Variants in DHRS4L2 observed in about 807,000 individuals in gnomAD.
The protein encoded by DHRS4L2 is dehydrogenase/reductase SDR family member 4-like 2.
A neutral mutation model predicts 23.9 loss-of-function variants in DHRS4L2; 22 were observed. The observed-to-expected ratio is 0.92, with a 90% CI of 0.66 to 1.31. The LOEUF (loss-of-function observed/expected upper bound fraction) is 1.31. Among genes scored for constraint, DHRS4L2 ranks in the 40% most tolerant of loss-of-function variants. DHRS4L2 has a pLI of 0.00. For synonymous variants in DHRS4L2, 141 were observed against 123.7 expected (o/e 1.14, Z -0.93); for missense variants, 385 against 303.3 (o/e 1.27, Z -2.00).
chr14:23,988,036 T>C (rs2034186023), upstream of DHRS4L2, among the ~76,000 whole-genome samples: 3 of 151,652 alleles, frequency 2.0e-5, no homozygotes, highest in Admixed American at 6.6e-5. Context: ...CTCAGTAATT[T>C]ACAGATGAAG....
chr14:23,990,124 G>A lies in DHRS4L2; in HGVS notation c.129-58G>A, dbSNP rs922706137. 359 of 1,598,608 alleles carry A rather than the reference G, an allele frequency of 2.2e-4. 12 individuals carry two copies. The Admixed American group carries it at 6.2e-3, about 28-fold the overall frequency. On this transcript the variant is annotated intron_variant, in intron 1 of 7. Coordinates refer to ENST00000335125, the MANE Select transcript of DHRS4L2 (RefSeq NM_198083.4). ...GGGCAGTCTTAACTTCAGAGCCCATGCTGTCGACCTCTTCCCCTGCACAGG... is the reference window on the plus strand; with the variant it reads ...GGGCAGTCTTAACTTCAGAGCCCATACTGTCGACCTCTTCCCCTGCACAGG...
chr14:23,993,836 C>A (rs1334223924), intron 2 of DHRS4L2, among the ~76,000 whole-genome samples: 1 of 151,610 alleles, frequency 6.6e-6, no homozygotes, highest in Admixed American at 6.6e-5. Context: ...CTCTCCTGGG[C>A]AGCTGGTTTA....
chr14:23,970,765 CT>C (rs1566483321), intron 1 of DHRS4L2, among the ~76,000 whole-genome samples: 1 of 152,020 alleles, frequency 6.6e-6, no homozygotes, highest in African/African-American at 2.4e-5. Flanking sequence ...TGGAACAAAG[CT>C]TCCAGAAGAA....
At position 23,982,356 on chromosome 14, in the gene DHRS4L2, G is replaced by C. The variant is rs570098356; in HGVS notation, c.-175-7826G>C. 8.6e-5 allele frequency among the ~76,000 whole-genome samples: 13 copies of C among 151,562 alleles called. 1 individual carries two copies. The highest frequency in any genetic ancestry group is 3.2e-4 in the African/African-American group (13 of 41,220). ...CACATGTTTCTGTGAGCTCAAGGTC[G>C]GGGCTAAAGTTACAGATTAACAGCA... is the stretch of plus-strand genomic sequence containing the variant. On this transcript the variant is annotated intron_variant, in intron 1 of 5. Coordinates refer to the DHRS4L2 transcript ENST00000534993.
chr14:23,998,407 G>C (rs200355064), intron 3 of DHRS4L2, among the ~76,000 whole-genome samples: 19,376 of 127,322 alleles, frequency 0.15, 702 homozygotes, highest in East Asian at 0.4. Context: ...CTCCTCTCTA[G>C]CTATTAAAGC....
intron 1 of DHRS4L2, among the ~76,000 whole-genome samples, chr14:23,976,974 G>T (rs2033978919): frequency 6.6e-6 from 1 of 151,724 alleles, no homozygotes; most frequent in Non-Finnish European, 1.5e-5. Flanking sequence ...GGCTGGGAGA[G>T]GGATAGCATT....
In DHRS4L2 at chr14:23,995,157, G is replaced by A. The variant is rs374464242; in HGVS notation, c.408+24G>A. On this transcript the variant is annotated intron_variant, in intron 3 of 7. Transcript: ENST00000335125. ...AGGTGAGAGGGGATTAAAGAAGCGC[G>A]GAAGGGGGCCTCGGGACACATTCAG... 64 of 1,609,218 alleles carry A rather than the reference G, an allele frequency of 4.0e-5. 1 individual carries two copies. The highest frequency in any genetic ancestry group is 3.6e-4 in the African/African-American group (27 of 74,966).
chr14:23,989,933 G>A (rs2034230743), intron 1 of DHRS4L2, among the ~76,000 whole-genome samples: 1 of 151,738 alleles, frequency 6.6e-6, no homozygotes, highest in Non-Finnish European at 1.5e-5. Flanking sequence ...GTCACCCGTG[G>A]TGGGAACTGT....
intron 1 of DHRS4L2, among the ~76,000 whole-genome samples, chr14:23,981,795 G>A (rs1017779020): frequency 1.3e-5 from 2 of 151,704 alleles, no homozygotes; most frequent in African/African-American, 4.8e-5. Context: ...TTCAAGGGAA[G>A]GTACTATGCC....
chr14:23,989,695 T>C (rs1315871063), intron 1 of DHRS4L2, among the ~76,000 whole-genome samples: 1 of 151,794 alleles, frequency 6.6e-6, no homozygotes, highest in African/African-American at 2.4e-5. Flanking sequence ...AACTGCAGAA[T>C]GTGTAACTCT....
intron 2 of DHRS4L2, among the ~76,000 whole-genome samples, chr14:23,993,728 C>A (rs1314766817): frequency 6.6e-6 from 1 of 151,652 alleles, no homozygotes; most frequent in Non-Finnish European, 1.5e-5. Context: ...ATCTTTCATG[C>A]CTCCAGGTCA....
intron 1 of DHRS4L2, among the ~76,000 whole-genome samples, chr14:23,972,900 G>C (rs921493329): frequency 1.3e-5 from 2 of 151,214 alleles, no homozygotes; most frequent in African/African-American, 4.8e-5. Flanking sequence ...GTGCACGTAA[G>C]CCAGATTTAT....
At chr14:23,972,598 T>A (rs2033883699) in intron 1 of DHRS4L2, among the ~76,000 whole-genome samples, 2 of 151,912 alleles carry the variant, frequency 1.3e-5, no homozygotes, top group Non-Finnish European at 2.9e-5. Flanking sequence ...CCTCCACACC[T>A]GTGGGTATTT....
intron 7 of DHRS4L2, among the ~76,000 whole-genome samples, chr14:24,005,207 CT>C (rs1410202238): frequency 2.0e-5 from 2 of 99,898 alleles, no homozygotes; most frequent in African/African-American, 7.7e-5. Flanking sequence ...ACCATCTGGG[CT>C]TTTGTTTTTC....
At position 23,990,230 on chromosome 14, in the gene DHRS4L2, G is replaced by C. The variant is rs1376074179; in HGVS notation, c.177G>C (p.Val59=). The change falls in exon 2 of 8, where the codon GTG becomes GTC. Residue 59 remains valine, a synonymous_variant. Transcript: ENST00000335125. ...ARRLAQDRAH[V]VVSSRKQQNV... ...GTTTGGCCCAGGACAGGGCCCACGT[G>C]GTCGTCAGCAGCCGGAAGCAGCAGA... is the stretch of plus-strand genomic sequence containing the variant. The C allele has an allele frequency of 6.2e-7, 1 of 1,612,896 alleles. No homozygotes were observed. Among genetic ancestry groups the C allele is most frequent in the Non-Finnish European group, 8.5e-7 (1 of 1,179,402 alleles).
At chr14:23,969,993 C>A (rs1305194788) in exon 1 of DHRS4L2, 9 of 455,036 alleles carry the variant, frequency 2.0e-5, no homozygotes, top group African/African-American at 1.6e-4. Flanking sequence ...CGGCAGCCCT[C>A]ACCGCCCGGG....
intron 1 of DHRS4L2, among the ~76,000 whole-genome samples, chr14:23,974,837 C>G (rs570487652): frequency 6.6e-6 from 1 of 151,866 alleles, no homozygotes; most frequent in African/African-American, 2.4e-5. Flanking sequence ...GGAGCTGGTA[C>G]TATTCCTTCT....
intron 1 of DHRS4L2, among the ~76,000 whole-genome samples, chr14:23,981,709 A>C: frequency 6.6e-6 from 1 of 151,848 alleles, no homozygotes; most frequent in South Asian, 2.1e-4. Context: ...AGAGGAATGC[A>C]GCAGAAGAGC....
chr14:23,977,546 T>A (rs1008500695), intron 1 of DHRS4L2, among the ~76,000 whole-genome samples: 22 of 151,746 alleles, frequency 1.4e-4, no homozygotes, highest in African/African-American at 5.3e-4. Context: ...TCAAAACTGC[T>A]TAAATCTGTG....
Sources: gnomAD v4.1 joint callset for allele counts (sites outside exome capture counted in the v4.1 genomes callset) on GRCh38, gnomAD v4.1.1 for gene constraint, MANE v1.5 for transcripts, NCBI Gene and HGNC (gene_info 2026-07-23, HGNC 2026-07-21) for gene names.